PMS1: variants seen among roughly 807,000 people sequenced by gnomAD.
The protein encoded by PMS1 is PMS1 homolog 1, mismatch repair system component.
In PMS1, 79 loss-of-function variants were observed where a neutral mutation model predicts 93.1. That is an observed-to-expected ratio of 0.85 (90% CI 0.71 to 1.02). PMS1 has a LOEUF of 1.02. Among genes scored for constraint, PMS1 ranks in the 50% least tolerant of loss-of-function variants. The probability of loss-of-function intolerance (pLI) is 0.00; values close to 1 mark genes in which losing one functional copy is unlikely to be tolerated. For missense variants in PMS1, 1,064 were observed against 1,085.3 expected (o/e 0.98, Z 0.28); for synonymous variants, 335 against 363.4 (o/e 0.92, Z 0.89).
chr2:189,806,004 A>C (rs114656673), intron 4 of PMS1: 3 of 1,247,946 alleles, frequency 2.4e-6, no homozygotes, highest in South Asian at 3.6e-5. Flanking sequence ...CTCTGTAAAA[A>C]CTAAGAGTAT....
intron 5 of PMS1, among the ~76,000 whole-genome samples, chr2:189,825,998 G>A (rs2052395332): frequency 6.6e-6 from 1 of 152,190 alleles, no homozygotes; most frequent in African/African-American, 2.4e-5. Context: ...TGGAGATTTG[G>A]CAGTGAGTGG....
rs2106450127 is a variant in PMS1, at chr2:189,852,752, C to T, written c.797C>T (p.Pro266Leu). 3 of 1,587,242 alleles carry T rather than the reference C, an allele frequency of 1.9e-6. No homozygotes were observed. Among genetic ancestry groups the T allele is most frequent in the Non-Finnish European group, 2.6e-6 (3 of 1,156,896 alleles). ...AGTTTCATCTTCATAAACAGTCGAC[C>T]AGTACATCAAAAAGATATCTTAAAG... is the stretch of plus-strand genomic sequence containing the variant. ...ERSFIFINSRPVHQKDILKLI... is the reference protein window; with the variant it reads ...ERSFIFINSRLVHQKDILKLI... The change falls in exon 7 of 13, where the codon CCA (proline) becomes CTA (leucine). Residue 266 changes from proline (P) to leucine (L), a missense_variant. By Grantham distance (98) the Pro-to-Leu change is moderately conservative. Coordinates refer to ENST00000441310, the MANE Select transcript of PMS1 (RefSeq NM_000534.5).
chr2:189,828,133 C>T (rs900251229), intron 5 of PMS1, among the ~76,000 whole-genome samples: 2 of 152,034 alleles, frequency 1.3e-5, no homozygotes, highest in African/African-American at 4.8e-5. Flanking sequence ...ACCATATTAG[C>T]CAGGATGGTC....
chr2:189,845,840 C>T (rs2054207436), intron 6 of PMS1, among the ~76,000 whole-genome samples: 1 of 152,092 alleles, frequency 6.6e-6, no homozygotes, highest in Non-Finnish European at 1.5e-5. Context: ...AAATGATTCT[C>T]CTGCCTCAGC....
chr2:189,853,107 C>G (rs555079906), intron 7 of PMS1, among the ~76,000 whole-genome samples: 3 of 151,936 alleles, frequency 2.0e-5, no homozygotes, highest in Non-Finnish European at 4.4e-5. Flanking sequence ...ATTGCAATGG[C>G]GTGTCCCGTG....
chr2:189,871,207 T>C (rs1196606442), intron 11 of PMS1, among the ~76,000 whole-genome samples: 1 of 152,114 alleles, frequency 6.6e-6, no homozygotes, highest in Admixed American at 6.5e-5. Flanking sequence ...CTTCTACCGA[T>C]CCTAAGGGCA....
intron 9 of PMS1, 123 bp downstream of exon 9, chr2:189,855,251 G>T: frequency 1.2e-6 from 1 of 809,578 alleles, no homozygotes. Flanking sequence ...AAATACCTTT[G>T]GCTTGGATAG....
intron 5 of PMS1, among the ~76,000 whole-genome samples, chr2:189,822,203 G>T (rs536847532): frequency 7.9e-5 from 12 of 152,192 alleles, no homozygotes; most frequent in African/African-American, 2.7e-4. Context: ...AGTCGGATCC[G>T]GATCCGTTGC....
chr2:189,828,369 G>A (rs891491218), intron 5 of PMS1, among the ~76,000 whole-genome samples: 1 of 152,174 alleles, frequency 6.6e-6, no homozygotes, highest in Non-Finnish European at 1.5e-5. Flanking sequence ...TAGGGTAATT[G>A]CCCCGATTTG....
chr2:189,847,392 G>A lies in PMS1; in HGVS notation c.699+3312G>A, dbSNP rs992048953. Among the ~76,000 whole-genome samples, 3 of 151,484 alleles carry A rather than the reference G, an allele frequency of 2.0e-5. No individual in the cohort carries two copies. In the Middle Eastern group the frequency reaches 0.01, roughly 515 times the overall value. ...GACCTCCTGTTAATTTTCTCCTATTGTTTTTTCTCAGGTTTCCCGTCTTTA... is the reference window on the plus strand; with the variant it reads ...GACCTCCTGTTAATTTTCTCCTATTATTTTTTCTCAGGTTTCCCGTCTTTA... On this transcript the variant is annotated intron_variant, in intron 6 of 12. Transcript: ENST00000441310.
rs2056801978 is a variant in PMS1 at position 189,867,917 on chromosome 2, A to C, written c.2461A>C (p.Lys821Gln). Reference sequence around the variant, plus strand: ...TCTTACAGCGAATGGTTTCAAGATAAAATTGATACCAGGTATGATAGTGTG... The same window carrying C: ...TCTTACAGCGAATGGTTTCAAGATACAATTGATACCAGGTATGATAGTGTG... ...PRLTANGFKI[K>Q]LIPGVSITEN... is the part of the protein sequence containing the mutation. Residue 821 changes from lysine to glutamine, a missense_variant, in exon 11 of 13, where the codon AAA (lysine) becomes CAA (glutamine). By Grantham distance (53) the Lys-to-Gln change is moderately conservative. Coordinates refer to ENST00000441310, the MANE Select transcript of PMS1 (RefSeq NM_000534.5). 5 of 1,611,012 alleles carry C rather than the reference A, an allele frequency of 3.1e-6. No individual in the cohort carries two copies. The highest frequency in any genetic ancestry group is 2.7e-5 in the African/African-American group (2 of 74,992).
In PMS1 at chr2:189,856,150, T is replaced by A. The variant is rs963648555; in HGVS notation, c.1856+1022T>A. 2.0e-5 allele frequency among the ~76,000 whole-genome samples: 3 copies of A among 150,468 alleles called. No homozygotes were observed. In the South Asian group the frequency reaches 6.2e-4, roughly 31 times the overall value. ...AAGCTTTTCTCTTCAGCCTTTTTTGTCATCTTTTTTTTTTTTTAAGTGGGA... is the reference window on the plus strand; with the variant it reads ...AAGCTTTTCTCTTCAGCCTTTTTTGACATCTTTTTTTTTTTTTAAGTGGGA... On this transcript the variant is annotated intron_variant, in intron 9 of 12. Transcript: ENST00000441310.
intron 5 of PMS1, among the ~76,000 whole-genome samples, chr2:189,825,311 A>G (rs528639343): frequency 2.6e-5 from 4 of 152,296 alleles, no homozygotes; most frequent in South Asian, 4.1e-4. Flanking sequence ...TTTAAAGTAG[A>G]TATTATTTGG....
At chr2:189,858,913 A>G (rs1006949804) in intron 9 of PMS1, among the ~76,000 whole-genome samples, 1 of 152,154 alleles carries the variant, frequency 6.6e-6, no homozygotes, top group Non-Finnish European at 1.5e-5. Flanking sequence ...CACAAACTAC[A>G]TGCCATGCTG....
intron 4 of PMS1, 59 bp downstream of exon 4, chr2:189,805,813 T>A (rs1170899139): frequency 1.4e-6 from 2 of 1,386,186 alleles, no homozygotes; most frequent in Non-Finnish European, 2.0e-6. Flanking sequence ...ATTGTTGGTT[T>A]AAAAAAAAAA....
At chr2:189,856,022 A>T in intron 9 of PMS1, 2 of 180,960 alleles carry the variant, frequency 1.1e-5, no homozygotes, top group Non-Finnish European at 1.2e-5. Flanking sequence ...TACTTGACCA[A>T]TTTTTTTTTT....
chr2:189,786,911 G>C (rs1652543128), intron 1 of PMS1, among the ~76,000 whole-genome samples: 1 of 152,114 alleles, frequency 6.6e-6, no homozygotes, highest in Non-Finnish European at 1.5e-5. Flanking sequence ...AAATTAGCCA[G>C]GTGTGGTGGC....
At chr2:189,824,415 G>C (rs2052242402) in intron 5 of PMS1, among the ~76,000 whole-genome samples, 1 of 151,966 alleles carries the variant, frequency 6.6e-6, no homozygotes, top group Non-Finnish European at 1.5e-5. Flanking sequence ...ATTTTTTAAA[G>C]TTGAAGAATT....
chr2:189,839,078 A>G lies in PMS1; in HGVS notation c.583-4886A>G, dbSNP rs193180349. ...GCGATCTCAGCTCACTGCAACCTCC[A>G]TCTCCTGGGTTCAAGTGATTCTCAT... On this transcript the variant is annotated intron_variant, in intron 5 of 12. Transcript: ENST00000441310. Among the ~76,000 whole-genome samples, 92 of 152,006 alleles carry G rather than the reference A, an allele frequency of 6.1e-4. No individual in the cohort carries two copies. The East Asian group carries it at 0.017, about 28-fold the overall frequency.
Sources: allele counts gnomAD v4.1 joint callset (sites outside exome capture counted in the v4.1 genomes callset), GRCh38; gene constraint gnomAD v4.1.1; transcripts MANE v1.5; gene names NCBI Gene and HGNC (gene_info 2026-07-23, HGNC 2026-07-21).